Variants in LMOD1 observed in about 807,000 individuals in gnomAD.
The protein encoded by LMOD1 is leiomodin 1.
LMOD1 carries 8 observed loss-of-function variants against 36.5 expected under a neutral mutation model. The observed-to-expected ratio is 0.22, with a 90% CI of 0.13 to 0.40. The LOEUF is 0.40. LMOD1 is among the 10% of genes least tolerant of loss of function. LMOD1 has a pLI of 1.00. For synonymous variants in LMOD1, 284 were observed against 288.7 expected (o/e 0.98, Z 0.17); for missense variants, 630 against 751.1 (o/e 0.84, Z 1.88).
chr1:201,911,120 C>T (rs752665832), intron 1 of LMOD1, among the ~76,000 whole-genome samples: 54 of 152,182 alleles, frequency 3.5e-4, no homozygotes, highest in Non-Finnish European at 6.3e-4. Flanking sequence ...GCTATCTGGG[C>T]ATGTGATCAT....
At position 201,896,466 on chromosome 1, in the gene LMOD1, C is replaced by A. The variant is rs1470659330; in HGVS notation, c.*1906G>T. On this transcript the variant is annotated 3_prime_UTR_variant, in exon 3 of 3. Transcript: ENST00000367288. ...CAAACAAAACAGACCTGAGCTCTGA[C>A]TTTTATTAGCTGTGTGATCATGGAT... 2.4e-5 allele frequency: 11 copies of A among 454,820 alleles called. No individual in the cohort carries two copies. The highest frequency in any genetic ancestry group is 4.9e-5 in the Non-Finnish European group (11 of 225,806). The allele number at this position is 454,820 out of a possible 1,614,324, so 28.2% of individuals were successfully genotyped here. A position where few individuals can be genotyped will look rare whatever the true frequency, so the allele number is the denominator to read the frequency against.
intron 1 of LMOD1, among the ~76,000 whole-genome samples, chr1:201,924,436 G>GGAAA (rs1170960480): frequency 1.2e-5 from 1 of 83,130 alleles, no homozygotes; most frequent in African/African-American, 4.7e-5. Context: ...AAGGAAGGAA[G>GGAAA]GAAGCAAGGA....
At chr1:201,936,110 A>G (rs1682014221) in intron 1 of LMOD1, among the ~76,000 whole-genome samples, 2 of 149,920 alleles carry the variant, frequency 1.3e-5, no homozygotes, top group African/African-American at 2.4e-5. Flanking sequence ...AAAAAAAAAA[A>G]AAAAAAAAAA....
At chr1:201,905,549 G>A (rs952903968) in intron 1 of LMOD1, among the ~76,000 whole-genome samples, 5 of 152,234 alleles carry the variant, frequency 3.3e-5, no homozygotes, top group African/African-American at 1.2e-4. Context: ...AGTTTAAAAT[G>A]AGAACTTGCT....
chr1:201,902,368 G>A (rs757132408), intron 1 of LMOD1, among the ~76,000 whole-genome samples: 27 of 151,942 alleles, frequency 1.8e-4, no homozygotes, highest in Non-Finnish European at 2.1e-4. Flanking sequence ...TTTGACCCCC[G>A]AGACACTGAG....
intron 1 of LMOD1, among the ~76,000 whole-genome samples, chr1:201,913,161 C>T (rs192549925): frequency 4.6e-5 from 7 of 152,160 alleles, no homozygotes; most frequent in African/African-American, 1.7e-4. Context: ...CCATCTTCAC[C>T]CTTTCTCCCA....
At chr1:201,933,531 CTA>C (rs1183086268) in intron 1 of LMOD1, among the ~76,000 whole-genome samples, 3 of 108,264 alleles carry the variant, frequency 2.8e-5, no homozygotes, top group Non-Finnish European at 5.9e-5. Context: ...CTCTCTCTCT[CTA>C]TATATATAAT....
chr1:201,906,125 T>C (rs956723562), intron 1 of LMOD1, among the ~76,000 whole-genome samples: 6 of 152,152 alleles, frequency 3.9e-5, no homozygotes, highest in Admixed American at 3.3e-4. Context: ...TTTCTAGGCC[T>C]TGGCTAAAGT....
Position 201,946,092 on chromosome 1 carries a change from C to T in LMOD1, c.249G>A (p.Glu83=), listed in dbSNP as rs1682205989. The T allele has an allele frequency of 1.2e-6, 2 of 1,613,760 alleles. No homozygotes were observed. Among genetic ancestry groups the T allele is most frequent in the African/African-American group, 2.7e-5 (2 of 74,918 alleles). Reference sequence around the variant, plus strand: ...TGTGCTCACTCACATCCATGGACATCTCCCTCTGCATAAGTTTCTTGGTCT... The same window carrying T: ...TGTGCTCACTCACATCCATGGACATTTCCCTCTGCATAAGTTTCTTGGTCT... ...EKETKKLMQR[E]MSMDESKQVE... Residue 83 remains glutamate, a synonymous_variant, in exon 1 of 3, where the codon GAG becomes GAA. Transcript: ENST00000367288.
chr1:201,941,086 C>T (rs1465624561), intron 1 of LMOD1, among the ~76,000 whole-genome samples: 3 of 151,218 alleles, frequency 2.0e-5, no homozygotes, highest in Non-Finnish European at 4.4e-5. Flanking sequence ...GGGGTTTCCC[C>T]ATGTTGGCCA....
chr1:201,914,644 A>T (rs903692326), intron 1 of LMOD1, among the ~76,000 whole-genome samples: 1 of 152,056 alleles, frequency 6.6e-6, no homozygotes, highest in African/African-American at 2.4e-5. Context: ...TCCCAGGCAG[A>T]CAGAGGAAAC....
intron 1 of LMOD1, among the ~76,000 whole-genome samples, chr1:201,926,832 C>A (rs1558241066): frequency 6.6e-6 from 1 of 152,048 alleles, no homozygotes; most frequent in African/African-American, 2.4e-5. Context: ...GCCTGGACAT[C>A]ATGGCAAATC....
intron 1 of LMOD1, among the ~76,000 whole-genome samples, chr1:201,903,939 C>T (rs752941967): frequency 5.3e-5 from 8 of 152,336 alleles, no homozygotes; most frequent in South Asian, 2.1e-4. Context: ...CTAGCAAGTT[C>T]GGGAAAAGCT....
chr1:201,924,206 C>G (rs1292249691), intron 1 of LMOD1, among the ~76,000 whole-genome samples: 2 of 150,514 alleles, frequency 1.3e-5, no homozygotes, highest in Non-Finnish European at 3.0e-5. Context: ...CACCTATAGT[C>G]CCAGCTACTC....
At chr1:201,908,901 G>T (rs1482636902) in intron 1 of LMOD1, among the ~76,000 whole-genome samples, 1 of 152,106 alleles carries the variant, frequency 6.6e-6, no homozygotes, top group African/African-American at 2.4e-5. Flanking sequence ...CCAACCTTAG[G>T]CCCTGTTGAT....
chr1:201,900,471 C>G lies in LMOD1; in HGVS notation c.542G>C (p.Arg181Thr). The part of the protein sequence containing the change: ...EAGKDGRGEE[R>T]AVATKKEEEK... ...CTCTTCCTTCTTGGTGGCCACTGCC[C>G]TCTCCTCTCCTCTCCCATCCTTCCC... The change falls in exon 2 of 3, where the codon AGG becomes ACG. Residue 181 changes from arginine to threonine, a missense_variant. This residue lies in a region of LMOD1 where 405 missense variants were observed against 400.6 expected (regional missense o/e 1.01). Transcript: ENST00000367288. 1.2e-6 allele frequency: 2 copies of G among 1,611,844 alleles called. No individual in the cohort carries two copies. The highest frequency in any genetic ancestry group is 8.5e-7 in the Non-Finnish European group (1 of 1,178,914).
Position 201,899,654 on chromosome 1 carries a change from A to G in LMOD1, c.1359T>C (p.His453=), listed in dbSNP as rs1328418854. The change falls in exon 2 of 3, where the codon CAT becomes CAC. Residue 453 remains histidine, a synonymous_variant. Transcript: ENST00000367288. This position sits in a 1 kb window ranked among gnomAD's most constrained non-coding sequence, Gnocchi z 6.3. The part of the protein sequence containing the change: ...ENTTLLKLGY[H]FELAGPRMTV... ...TCATTCGGGGCCCGGCCAGCTCAAA[A>G]TGGTAGCCCAGCTTGAGCAGGGTAG... 2 of 1,613,788 alleles carry G rather than the reference A, an allele frequency of 1.2e-6. No homozygotes were observed. The highest frequency in any genetic ancestry group is 1.7e-6 in the Non-Finnish European group (2 of 1,179,834).
At chr1:201,912,004 G>C (rs538816100) in intron 1 of LMOD1, among the ~76,000 whole-genome samples, 1 of 152,284 alleles carries the variant, frequency 6.6e-6, no homozygotes, top group African/African-American at 2.4e-5. Flanking sequence ...ATCCACAGGG[G>C]GTTTCTGGCA....
intron 2 of LMOD1, among the ~76,000 whole-genome samples, 165 bp from the exon 3 acceptor site, chr1:201,898,563 C>A (rs984312491): frequency 6.6e-6 from 1 of 152,196 alleles, no homozygotes; most frequent in African/African-American, 2.4e-5. Context: ...AATTGGATGT[C>A]ATTGAGTGAC....
Sources: gnomAD v4.1 joint callset for allele counts (sites outside exome capture counted in the v4.1 genomes callset) on GRCh38, gnomAD v4.1.1 for gene constraint, gnomAD v4.1.1 regional missense constraint, Gnocchi (gnomAD v3.1) non-coding constraint, MANE v1.5 for transcripts, NCBI Gene and HGNC (gene_info 2026-07-23, HGNC 2026-07-21) for gene names.